SAXO1: variants seen among roughly 807,000 people sequenced by gnomAD.
SAXO1 encodes the protein stabilizer of axonemal microtubules 1.
In SAXO1, 21 loss-of-function variants were observed where a neutral mutation model predicts 17.5. The observed-to-expected ratio is 1.20, with a 90% CI of 0.85 to 1.72. SAXO1 has a LOEUF of 1.72. Ranked by LOEUF, SAXO1 falls within the 40% of genes most tolerant of loss-of-function variation. SAXO1 has a pLI of 0.00. For missense variants in SAXO1, 843 were observed against 596.0 expected (o/e 1.41, Z -4.32); for synonymous variants, 274 against 216.5 (o/e 1.27, Z -2.33).
chr9:18,960,697 C>T (rs923091100), intron 1 of SAXO1, among the ~76,000 whole-genome samples: 9 of 152,122 alleles, frequency 5.9e-5, no homozygotes, highest in African/African-American at 1.9e-4. Context: ...GCAAAAGACA[C>T]ATGAGTCCAG....
intron 1 of SAXO1, among the ~76,000 whole-genome samples, chr9:19,005,434 T>A (rs1834445237): frequency 6.6e-6 from 1 of 152,120 alleles, no homozygotes; most frequent in Non-Finnish European, 1.5e-5. Flanking sequence ...GACAGACATA[T>A]AGACCAGTGG....
chr9:19,043,794 T>A (rs1266350360), intron 1 of SAXO1, among the ~76,000 whole-genome samples: 2 of 151,298 alleles, frequency 1.3e-5, no homozygotes, highest in Admixed American at 1.3e-4. Flanking sequence ...TAGTATTTGA[T>A]AGCACAACAG....
intron 3 of SAXO1, among the ~76,000 whole-genome samples, chr9:18,929,927 C>G (rs72694516): frequency 0.049 from 7,447 of 152,262 alleles, 260 homozygotes; most frequent in Non-Finnish European, 0.068. Flanking sequence ...TCAAGTCTTT[C>G]CATACATGAT....
chr9:18,989,589 G>A (rs1025334772), intron 1 of SAXO1, among the ~76,000 whole-genome samples: 12 of 151,394 alleles, frequency 7.9e-5, no homozygotes, highest in Admixed American at 2.0e-4. Context: ...CACCCATCTC[G>A]TGATACTTCA....
chr9:18,958,173 C>T (rs1832329997), intron 1 of SAXO1, among the ~76,000 whole-genome samples: 1 of 152,136 alleles, frequency 6.6e-6, no homozygotes, highest in Non-Finnish European at 1.5e-5. Context: ...CCTGTAACCC[C>T]AGCACATTGG....
intron 1 of SAXO1, among the ~76,000 whole-genome samples, chr9:19,008,281 C>G (rs1194934960): frequency 1.3e-5 from 2 of 152,112 alleles, no homozygotes; most frequent in African/African-American, 4.8e-5. Context: ...CCCAGCCTAC[C>G]TGGTCCTTTA....
intron 1 of SAXO1, among the ~76,000 whole-genome samples, chr9:19,026,016 T>C (rs1466042871): frequency 6.6e-6 from 1 of 152,150 alleles, no homozygotes; most frequent in East Asian, 1.9e-4. Context: ...ATAAGTTGGA[T>C]AGAAGAAATA....
chr9:18,933,241 T>C (rs1831133332), intron 3 of SAXO1, among the ~76,000 whole-genome samples: 1 of 152,238 alleles, frequency 6.6e-6, no homozygotes, highest in Admixed American at 6.5e-5. Flanking sequence ...CTTTTATGAG[T>C]GTTGAACTTT....
chr9:19,004,238 T>C (rs922916507), intron 1 of SAXO1, among the ~76,000 whole-genome samples: 1 of 152,076 alleles, frequency 6.6e-6, no homozygotes, highest in African/African-American at 2.4e-5. Flanking sequence ...GAAACAACAG[T>C]TGCTGGAGAG....
upstream of SAXO1, among the ~76,000 whole-genome samples, chr9:19,036,862 A>G (rs962964469): frequency 9.2e-5 from 14 of 152,176 alleles, no homozygotes; most frequent in African/African-American, 3.1e-4. Context: ...ATCCACCGAC[A>G]AATTGCACTG....
At chr9:19,035,656 G>A (rs1835916924), upstream of SAXO1, among the ~76,000 whole-genome samples, 1 of 152,198 alleles carries the variant, frequency 6.6e-6, no homozygotes, top group African/African-American at 2.4e-5. Flanking sequence ...GAATGGCTTT[G>A]CCCAAAATGC....
intron 1 of SAXO1, among the ~76,000 whole-genome samples, chr9:19,003,068 C>A (rs921316831): frequency 6.6e-6 from 1 of 152,082 alleles, no homozygotes; most frequent in Non-Finnish European, 1.5e-5. Context: ...AATCAATGTG[C>A]AAAAATCACA....
intron 1 of SAXO1, among the ~76,000 whole-genome samples, chr9:18,967,498 T>C (rs1832766398): frequency 6.6e-6 from 1 of 152,184 alleles, no homozygotes; most frequent in African/African-American, 2.4e-5. Context: ...TGCCACACTG[T>C]TGGGGGTTCT....
upstream of SAXO1, among the ~76,000 whole-genome samples, chr9:19,035,937 A>C (rs62563562): frequency 0.064 from 9,674 of 152,252 alleles, 358 homozygotes; most frequent in African/African-American, 0.1. Flanking sequence ...AGAGCACAAA[A>C]GTTTGGAAAA....
chr9:19,042,570 T>C (rs929811623), intron 1 of SAXO1, among the ~76,000 whole-genome samples: 4 of 152,198 alleles, frequency 2.6e-5, no homozygotes, highest in East Asian at 1.9e-4. Flanking sequence ...TAAATAGATA[T>C]AGAAAATGTG....
intron 1 of SAXO1, among the ~76,000 whole-genome samples, chr9:18,967,979 A>G (rs370723865): frequency 1.3e-5 from 2 of 152,174 alleles, no homozygotes; most frequent in South Asian, 2.1e-4. Context: ...AGTCCCTCAC[A>G]GCCTCCGATG....
At chr9:18,934,850 G>A (rs1443660875) in intron 3 of SAXO1, among the ~76,000 whole-genome samples, 2 of 152,124 alleles carry the variant, frequency 1.3e-5, no homozygotes, top group Non-Finnish European at 2.9e-5. Context: ...TAATTCCATA[G>A]AGTCTTATCT....
Position 18,929,063 on chromosome 9 carries a change from T to A in SAXO1, c.422-8A>T. ...TCCAAGGCAAATAATCAGCTGAAAT[T>A]AAAGCAGAAGAGGTAATTAATAATA... On this transcript the variant is annotated splice_region_variant and splice_polypyrimidine_tract_variant and intron_variant, in intron 3 of 3. Transcript: ENST00000380534. 6.2e-7 allele frequency: 1 copy of A among 1,612,816 alleles called. No individual in the cohort carries two copies. Among genetic ancestry groups the A allele is most frequent in the Non-Finnish European group, 8.5e-7 (1 of 1,179,406 alleles).
Position 18,928,908 on chromosome 9 carries a change from G to T in SAXO1, c.569C>A (p.Pro190His). ...GTTACAGAGCTTTGGCATGGCCAGA[G>T]GTTTACAGCTTATGGTCTTCACAAG... ...KGLVKTISCK[P>H]LAMPKLCNIP... is the part of the protein sequence containing the mutation. The change falls in exon 4 of 4, where the codon CCT becomes CAT. Residue 190 changes from proline (P) to histidine (H), a missense_variant. Pro to His is a moderately conservative substitution (Grantham distance 77). Coordinates refer to ENST00000380534, the MANE Select transcript of SAXO1 (RefSeq NM_153707.4). 1 of 1,614,148 alleles carries T rather than the reference G, an allele frequency of 6.2e-7. No individual in the cohort carries two copies.
Sources: gnomAD v4.1 joint callset for allele counts (sites outside exome capture counted in the v4.1 genomes callset) on GRCh38, gnomAD v4.1.1 for gene constraint, MANE v1.5 for transcripts, NCBI Gene and HGNC (gene_info 2026-07-23, HGNC 2026-07-21) for gene names.